EPB41L5: variants seen among roughly 807,000 people sequenced by gnomAD.
EPB41L5 encodes erythrocyte membrane protein band 4.1 like 5, also known as band 4.1-like protein 5.
EPB41L5 carries 55 observed loss-of-function variants against 106.6 expected under a neutral mutation model. The ratio of observed to expected loss-of-function variants is 0.52; its 90% CI spans 0.42 to 0.65. EPB41L5 has a LOEUF of 0.65. EPB41L5 is among the 30% of genes least tolerant of loss of function. The probability of loss-of-function intolerance (pLI) is 0.00; values close to 1 mark genes in which losing one functional copy is unlikely to be tolerated. For synonymous variants in EPB41L5, 297 were observed against 306.7 expected (o/e 0.97, Z 0.33); for missense variants, 871 against 882.1 (o/e 0.99, Z 0.16).
intron 16 of EPB41L5, chr2:120,105,486 C>G (rs953633214): frequency 1.0e-6 from 1 of 985,210 alleles, no homozygotes; most frequent in Non-Finnish European, 1.2e-6. Flanking sequence ...GGGCTTAATA[C>G]TGGACTATTG....
chr2:120,075,149 G>A (rs1409805159), intron 5 of EPB41L5, among the ~76,000 whole-genome samples: 1 of 152,144 alleles, frequency 6.6e-6, no homozygotes, highest in African/African-American at 2.4e-5. Context: ...ATACTTCTAA[G>A]ATCTAGTGTT....
In EPB41L5 at chr2:120,025,102, C is replaced by T. The variant is rs192661960; in HGVS notation, c.180+5838C>T. 7.4e-4 allele frequency among the ~76,000 whole-genome samples: 112 copies of T among 152,250 alleles called. 1 individual carries two copies. In the South Asian group the frequency reaches 8.1e-3, roughly 11 times the overall value. ...TCCTCTTTGTACCTCTGGTAGAATT[C>T]GGCTGTGAATCCATCTGGTCCTGAG... On this transcript the variant is annotated intron_variant, in intron 2 of 24. Transcript: ENST00000263713.
At chr2:120,049,820 T>C (rs908181622) in intron 3 of EPB41L5, among the ~76,000 whole-genome samples, 1 of 152,220 alleles carries the variant, frequency 6.6e-6, no homozygotes, top group Non-Finnish European at 1.5e-5. Context: ...CCTTTCCGTG[T>C]TTAGTGCTTC....
At chr2:120,038,498 G>T (rs1679185968) in intron 2 of EPB41L5, among the ~76,000 whole-genome samples, 1 of 152,212 alleles carries the variant, frequency 6.6e-6, no homozygotes, top group Admixed American at 6.5e-5. Flanking sequence ...ATACGGCTGG[G>T]TGCAGTGGCT....
intron 2 of EPB41L5, among the ~76,000 whole-genome samples, chr2:120,026,175 G>A (rs1678297691): frequency 6.6e-6 from 1 of 152,104 alleles, no homozygotes; most frequent in Non-Finnish European, 1.5e-5. Flanking sequence ...GAAAAAAATA[G>A]GCATAATTTT....
chr2:120,127,549 T>G (rs946952515), intron 16 of EPB41L5, 139 bp from the exon 17 acceptor site: 15 of 628,006 alleles, frequency 2.4e-5, no homozygotes, highest in Non-Finnish European at 3.9e-5. Context: ...TTTTTTAATT[T>G]TTATTTTTGT....
At chr2:120,143,257 G>A (rs1686263381) in intron 19 of EPB41L5, 126 bp downstream of exon 19, 3 of 1,101,822 alleles carry the variant, frequency 2.7e-6, no homozygotes, top group South Asian at 2.0e-5. Flanking sequence ...TAAAAAATAA[G>A]AGTAAAGATG....
At chr2:120,117,256 T>G (rs1684988704) in intron 16 of EPB41L5, among the ~76,000 whole-genome samples, 2 of 152,184 alleles carry the variant, frequency 1.3e-5, no homozygotes, top group South Asian at 2.1e-4. Flanking sequence ...GCGAGAAACC[T>G]GGCTTCTATT....
chr2:120,059,485 C>G (rs1680880227), intron 3 of EPB41L5, among the ~76,000 whole-genome samples: 1 of 152,084 alleles, frequency 6.6e-6, no homozygotes, highest in African/African-American at 2.4e-5. Context: ...AAATGGACTT[C>G]ATAAAAAATT....
intron 16 of EPB41L5, among the ~76,000 whole-genome samples, chr2:120,126,141 A>AAT (rs546105516): frequency 2.1e-4 from 32 of 152,156 alleles, no homozygotes; most frequent in East Asian, 5.8e-4. Flanking sequence ...TATAGTAAGT[A>AAT]ATATATATAT....
Position 120,127,814 on chromosome 2 carries a change from G to T in EPB41L5, c.1464G>T (p.Arg488Ser). The T allele has an allele frequency of 6.2e-7, 1 of 1,612,348 alleles. No individual in the cohort carries two copies. Among genetic ancestry groups the T allele is most frequent in the Non-Finnish European group, 8.5e-7 (1 of 1,178,808 alleles). Residue 488 changes from arginine (R) to serine (S), a missense_variant, in exon 17 of 25, where the codon AGG (arginine) becomes AGT (serine). By Grantham distance (110) the Arg-to-Ser change is moderately radical. Transcript: ENST00000263713. ...QALNDVNVAT[R>S]LPGLGEPEVE... Reference sequence around the variant, plus strand: ...TGAATGACGTTAATGTAGCCACCAGGCTTCCGGGATTAGGGGAACCTGAAG... The same window carrying T: ...TGAATGACGTTAATGTAGCCACCAGTCTTCCGGGATTAGGGGAACCTGAAG...
intron 1 of EPB41L5, 25 bp downstream of exon 1, chr2:120,013,235 G>C (rs1170551317): frequency 6.6e-6 from 1 of 152,424 alleles, no homozygotes; most frequent in African/African-American, 2.4e-5. Flanking sequence ...CGGCGGCGGC[G>C]CCGCAGTACA....
rs1311623280 is a variant in EPB41L5 at position 120,127,753 on chromosome 2, T to C, written c.1403T>C (p.Ile468Thr). The change falls in exon 17 of 25, where the codon ATT becomes ACT. Residue 468 changes from isoleucine to threonine, a missense_variant. Ile to Thr is a moderately conservative substitution (Grantham distance 89, BLOSUM62 -1). Transcript: ENST00000263713. Reference protein sequence around the residue: ...DLLEATIGDVIGASDTMETSQ... With the variant: ...DLLEATIGDVTGASDTMETSQ... ...TTGGAAGCAACGATTGGTGATGTAA[T>C]TGGGGCATCTGACACTATGGAAACA... The C allele has an allele frequency of 5.0e-6, 8 of 1,613,684 alleles. No homozygotes were observed. The highest frequency in any genetic ancestry group is 6.8e-6 in the Non-Finnish European group (8 of 1,179,760).
chr2:120,149,433 GTC>G (rs1034957672), intron 20 of EPB41L5, among the ~76,000 whole-genome samples: 4 of 152,074 alleles, frequency 2.6e-5, no homozygotes, highest in Non-Finnish European at 2.9e-5. Context: ...TCTACTTTCT[GTC>G]TCTATAGATT....
At chr2:120,061,533 A>G (rs1174645685) in intron 3 of EPB41L5, among the ~76,000 whole-genome samples, 3 of 151,446 alleles carry the variant, frequency 2.0e-5, no homozygotes, top group Non-Finnish European at 4.4e-5. Context: ...TTTTTTTTTA[A>G]TAGAGACAGG....
At chr2:120,128,523 A>G (rs1685558379) in intron 17 of EPB41L5, among the ~76,000 whole-genome samples, 3 of 152,198 alleles carry the variant, frequency 2.0e-5, no homozygotes, top group African/African-American at 7.2e-5. Context: ...AAATTGCCCT[A>G]AGTATGCTGT....
rs35837378 is a variant in EPB41L5, at chr2:120,120,431, C to CAAA, written c.1338-7241_1338-7239dup. 1.2e-3 allele frequency among the ~76,000 whole-genome samples: 111 copies of CAAA among 92,766 alleles called. 1 individual carries two copies. The highest frequency in any genetic ancestry group is 4.6e-3 in the African/African-American group (96 of 20,964). The allele number at this position is 92,766 out of a possible 152,430, so 60.9% of individuals were successfully genotyped here. On this transcript the variant is annotated intron_variant, in intron 16 of 24. Transcript: ENST00000263713. The stretch of plus-strand genomic sequence containing the variant: ...TGGGTGACAGAGCGACACTCAATCT[C>CAAA]AAAAAAAAAAAAAAAAAAGGAACAA...
intron 2 of EPB41L5, among the ~76,000 whole-genome samples, chr2:120,041,518 C>A (rs577306258): frequency 6.6e-6 from 1 of 152,118 alleles, no homozygotes; most frequent in African/African-American, 2.4e-5. Flanking sequence ...TCTTACCTTA[C>A]GTTCTCTTCC....
intron 2 of EPB41L5, among the ~76,000 whole-genome samples, chr2:120,033,545 TAAA>T (rs1252181669): frequency 6.6e-6 from 1 of 151,264 alleles, no homozygotes; most frequent in African/African-American, 2.4e-5. Flanking sequence ...CCATCTCTAT[TAAA>T]AATACAAAAT....
Sources: gnomAD v4.1 joint callset for allele counts (sites outside exome capture counted in the v4.1 genomes callset) on GRCh38, gnomAD v4.1.1 for gene constraint, MANE v1.5 for transcripts, NCBI Gene and HGNC (gene_info 2026-07-23, HGNC 2026-07-21) for gene names.